The following ALK variants were observed in gnomAD, a reference collection of about 807,000 sequenced individuals.
The protein encoded by ALK is ALK tyrosine kinase receptor.
In ALK, 74 loss-of-function variants were observed where a neutral mutation model predicts 163.1. The observed-to-expected ratio is 0.45, with a 90% CI of 0.38 to 0.55. The LOEUF is 0.55. Ranked by LOEUF, ALK falls within the 20% of genes least tolerant of loss-of-function variation. The pLI is 0.00. For synonymous variants in ALK, 960 were observed against 843.2 expected, an observed-to-expected ratio of 1.14 and a Z score of -2.40; for missense variants, 2,063 against 2,105.3, an observed-to-expected ratio of 0.98 and a Z score of 0.39.
At position 29,564,008 on chromosome 2, in the gene ALK, G is replaced by C. The variant is rs139350778; in HGVS notation, c.953-31892C>G. Among the ~76,000 whole-genome samples the C allele has an allele frequency of 9.7e-4, 148 of 152,168 alleles. 2 individuals are homozygous for C. The highest frequency in any genetic ancestry group is 3.4e-3 in the African/African-American group (140 of 41,516). ...CCCTTCCCAATATAAAAAGAAGCTT[G>C]AGATTTATGCCCTTTAAGGTGGTTC... is the stretch of plus-strand genomic sequence containing the variant. On this transcript the variant is annotated intron_variant, in intron 3 of 28. Transcript: ENST00000389048.
intron 4 of ALK, among the ~76,000 whole-genome samples, chr2:29,468,373 A>C (rs374990308): frequency 1.7e-4 from 26 of 152,334 alleles, no homozygotes; most frequent in African/African-American, 6.0e-4. Context: ...AAATTATGAG[A>C]ACTGCTGACC....
rs778487357 is a variant in ALK at position 29,920,528 on chromosome 2, G to A, written c.132C>T (p.Leu44=). ...AGPPLQPREP[L]SYSRLQRKSL... ...TCTTCCTCTGCAGGCGCGAGTAGCT[G>A]AGTGGCTCCCGGGGCTGCAGCGGCG... Residue 44 remains leucine (L), a synonymous_variant, in exon 1 of 29, where the codon CTC becomes CTT. Coordinates refer to ENST00000389048, the MANE Select transcript of ALK (RefSeq NM_004304.5). The A allele has an allele frequency of 6.2e-7, 1 of 1,611,368 alleles. No individual in the cohort carries two copies.
intron 3 of ALK, among the ~76,000 whole-genome samples, chr2:29,621,656 T>G (rs1020604842): frequency 6.6e-6 from 1 of 152,238 alleles, no homozygotes; most frequent in Admixed American, 6.5e-5. Context: ...GTTGCCCAAC[T>G]TGATCTTAAA....
At chr2:29,779,187 A>C (rs1484125164) in intron 1 of ALK, among the ~76,000 whole-genome samples, 1 of 152,076 alleles carries the variant, frequency 6.6e-6, no homozygotes, top group Non-Finnish European at 1.5e-5. Flanking sequence ...AAAAAGAGAA[A>C]GAAAACCTTG....
At chr2:29,655,012 T>G (rs1440686001) in intron 3 of ALK, among the ~76,000 whole-genome samples, 2 of 152,092 alleles carry the variant, frequency 1.3e-5, no homozygotes, top group Admixed American at 6.5e-5. Context: ...TTCTACCAAC[T>G]GAAGACATCT....
chr2:29,304,847 T>C (rs1311581487), intron 8 of ALK, among the ~76,000 whole-genome samples: 1 of 152,144 alleles, frequency 6.6e-6, no homozygotes, highest in Admixed American at 6.5e-5. Context: ...AAGTATGAGA[T>C]GAAGAATGTG....
chr2:29,770,668 A>G (rs1023957047), intron 1 of ALK, among the ~76,000 whole-genome samples: 1 of 152,242 alleles, frequency 6.6e-6, no homozygotes, highest in South Asian at 2.1e-4. Context: ...AAAAATTATG[A>G]TAGCAAAACA....
At chr2:29,321,536 C>T (rs1243652526) in intron 6 of ALK, among the ~76,000 whole-genome samples, 2 of 152,232 alleles carry the variant, frequency 1.3e-5, no homozygotes, top group Non-Finnish European at 2.9e-5. Flanking sequence ...AGTGATGTAT[C>T]TTCTCTGAAT....
chr2:29,743,019 A>G (rs1296830627), intron 1 of ALK, among the ~76,000 whole-genome samples: 1 of 152,180 alleles, frequency 6.6e-6, no homozygotes, highest in Non-Finnish European at 1.5e-5. Flanking sequence ...AAACTCCAAT[A>G]TCCTAGGGAT....
At chr2:29,475,905 C>T (rs979757716) in intron 4 of ALK, among the ~76,000 whole-genome samples, 2 of 152,114 alleles carry the variant, frequency 1.3e-5, no homozygotes, top group South Asian at 2.1e-4. Context: ...CCCAGACAGG[C>T]GGCAAATGAG....
intron 8 of ALK, among the ~76,000 whole-genome samples, chr2:29,302,211 T>C (rs762276471): frequency 9.2e-5 from 14 of 152,160 alleles, no homozygotes; most frequent in Admixed American, 1.3e-4. Context: ...TAGGAACAAA[T>C]AGGAGAATTA....
chr2:29,873,093 T>G, intron 1 of ALK, among the ~76,000 whole-genome samples: 1 of 152,040 alleles, frequency 6.6e-6, no homozygotes, highest in Non-Finnish European at 1.5e-5. Context: ...CCTCCAGGAG[T>G]CAGGGGCACT....
intron 9 of ALK, among the ~76,000 whole-genome samples, chr2:29,283,998 G>A (rs1665782609): frequency 6.6e-6 from 1 of 152,188 alleles, no homozygotes; most frequent in Non-Finnish European, 1.5e-5. Context: ...TTTACTGACC[G>A]GGAATTGCTG....
chr2:29,865,191 T>C (rs758664164), intron 1 of ALK, among the ~76,000 whole-genome samples: 11 of 152,356 alleles, frequency 7.2e-5, no homozygotes, highest in Admixed American at 2.0e-4. Context: ...GTGTCCTCCA[T>C]GGGACTGCTA....
At chr2:29,494,589 GC>G (rs1671980156) in intron 4 of ALK, among the ~76,000 whole-genome samples, 1 of 152,154 alleles carries the variant, frequency 6.6e-6, no homozygotes, top group South Asian at 2.1e-4. Flanking sequence ...GCGGTGCCAG[GC>G]ATGTCCAGCC....
intron 3 of ALK, among the ~76,000 whole-genome samples, chr2:29,665,248 A>G (rs1011401354): frequency 6.6e-6 from 1 of 151,566 alleles, no homozygotes; most frequent in Non-Finnish European, 1.5e-5. Flanking sequence ...CAGCCTCCCA[A>G]AGTGTTGGGA....
At chr2:29,528,571 A>G (rs572226483) in intron 4 of ALK, among the ~76,000 whole-genome samples, 16 of 152,178 alleles carry the variant, frequency 1.1e-4, no homozygotes, top group African/African-American at 3.4e-4. Flanking sequence ...TGTTCCTTGA[A>G]AGCTGTGACC....
chr2:29,753,757 T>C (rs916830048), intron 1 of ALK, among the ~76,000 whole-genome samples: 2 of 152,196 alleles, frequency 1.3e-5, no homozygotes, highest in African/African-American at 2.4e-5. Context: ...GGCTGAACCA[T>C]AACTGAATGC....
In ALK at chr2:29,232,290, T is replaced by A; in HGVS notation, c.2632+14A>T. On this transcript the variant is annotated intron_variant, in intron 15 of 28. Transcript: ENST00000389048. ...GGAGAGGTTCTGGGAGAGGGCACGC[T>A]TGCAGCGCTTTACCTGCGGCTCCGG... 1.2e-6 allele frequency: 2 copies of A among 1,614,148 alleles called. No homozygotes were observed. Among genetic ancestry groups the A allele is most frequent in the Non-Finnish European group, 1.7e-6 (2 of 1,180,036 alleles).
Sources: allele counts gnomAD v4.1 joint callset (sites outside exome capture counted in the v4.1 genomes callset), GRCh38; gene constraint gnomAD v4.1.1; transcripts MANE v1.5; gene names NCBI Gene and HGNC (gene_info 2026-07-23, HGNC 2026-07-21).